Variants in KIF16B observed in about 807,000 individuals in gnomAD.
The protein encoded by KIF16B is kinesin-like protein KIF16B.
Under a neutral mutation model 156.3 loss-of-function variants are expected in KIF16B, and 98 were observed. That is an observed-to-expected ratio of 0.63 (90% CI 0.53 to 0.74). The LOEUF is 0.74. Ranked by LOEUF, KIF16B falls within the 30% of genes least tolerant of loss-of-function variation. The pLI, the probability that KIF16B is intolerant of heterozygous loss-of-function variation, is 0.00. For synonymous variants in KIF16B, 564 were observed against 583.7 expected (o/e 0.97, Z 0.49); for missense variants, 1,421 against 1,606.5 (o/e 0.88, Z 1.97).
chr20:16,461,057 C>T (rs890622583), intron 12 of KIF16B, among the ~76,000 whole-genome samples: 1 of 151,510 alleles, frequency 6.6e-6, no homozygotes, highest in African/African-American at 2.4e-5. Context: ...TATAAAAAGC[C>T]TAAAATAAAC....
intron 1 of KIF16B, among the ~76,000 whole-genome samples, chr20:16,558,897 C>CAAAAAAAAAAA (rs11478258): frequency 3.2e-5 from 2 of 62,062 alleles, no homozygotes; most frequent in African/African-American, 6.2e-5. Flanking sequence ...GAGCAAGACT[C>CAAAAAAAAAAA]AAAAAAAAAA....
At position 16,366,710 on chromosome 20, in the gene KIF16B, A is replaced by T. The variant is rs185127885; in HGVS notation, c.3498+3876T>A. 24 of 374,496 alleles carry T rather than the reference A, an allele frequency of 6.4e-5. No homozygotes were observed. The East Asian group carries it at 3.8e-3, about 60-fold the overall frequency. 23.2% of individuals were successfully genotyped at this position (374,496 alleles called of 1,614,324 possible). ...TCTGCTACATAATTATCCTAATCAC[A>T]GCTGAAACCAAGGATGTCAATGAAG... On this transcript the variant is annotated intron_variant, in intron 22 of 25. Transcript: ENST00000354981.
chr20:16,468,008 A>T (rs1343263782), intron 12 of KIF16B, among the ~76,000 whole-genome samples: 1 of 152,204 alleles, frequency 6.6e-6, no homozygotes, highest in Non-Finnish European at 1.5e-5. Flanking sequence ...AAATACGATA[A>T]ATATTAATCC....
intron 1 of KIF16B, among the ~76,000 whole-genome samples, chr20:16,567,900 C>T (rs997949509): frequency 6.6e-6 from 1 of 152,152 alleles, no homozygotes; most frequent in African/African-American, 2.4e-5. Flanking sequence ...TGCAGTGAAC[C>T]GAGATCGCGC....
At chr20:16,287,500 C>T (rs1322125878) in intron 25 of KIF16B, among the ~76,000 whole-genome samples, 1 of 152,186 alleles carries the variant, frequency 6.6e-6, no homozygotes, top group Non-Finnish European at 1.5e-5. Context: ...AGAGAATCTT[C>T]TTTATGAGTT....
intron 17 of KIF16B, among the ~76,000 whole-genome samples, chr20:16,395,776 T>C (rs2065485578): frequency 6.6e-6 from 1 of 152,096 alleles, no homozygotes; most frequent in Non-Finnish European, 1.5e-5. Context: ...GAATACAGCC[T>C]AGAACTGTGT....
intron 12 of KIF16B, among the ~76,000 whole-genome samples, chr20:16,492,717 G>A (rs991734690): frequency 1.3e-5 from 2 of 152,196 alleles, no homozygotes; most frequent in East Asian, 3.8e-4. Flanking sequence ...CGCAGCAGCA[G>A]AAGAGACGGA....
intron 25 of KIF16B, among the ~76,000 whole-genome samples, chr20:16,279,021 G>A (rs1039391460): frequency 1.3e-5 from 2 of 152,176 alleles, no homozygotes; most frequent in Non-Finnish European, 2.9e-5. Context: ...CAAGGCTCAC[G>A]CTCTTCTACA....
At chr20:16,502,113 CTTT>C (rs1289981115) in intron 10 of KIF16B, among the ~76,000 whole-genome samples, 1 of 151,944 alleles carries the variant, frequency 6.6e-6, no homozygotes, top group Non-Finnish European at 1.5e-5. Flanking sequence ...TAAAAAGGTG[CTTT>C]AAAAACTCTG....
At chr20:16,344,624 G>A (rs4814475) in intron 23 of KIF16B, among the ~76,000 whole-genome samples, 31,511 of 152,108 alleles carry the variant, frequency 0.21, 3,821 homozygotes, top group East Asian at 0.58. Context: ...GAGTGCCTAT[G>A]GTGTCAGCCT....
intron 1 of KIF16B, among the ~76,000 whole-genome samples, chr20:16,571,633 T>C (rs2071456407): frequency 7.1e-6 from 1 of 140,616 alleles, no homozygotes; most frequent in Non-Finnish European, 1.5e-5. Flanking sequence ...AACAAATACT[T>C]TTTTTTTTTT....
At chr20:16,539,538 A>T (rs140010679) in intron 1 of KIF16B, among the ~76,000 whole-genome samples, 86 of 152,220 alleles carry the variant, frequency 5.6e-4, no homozygotes, top group African/African-American at 2.0e-3. Flanking sequence ...GGCTGTTCAA[A>T]AGTGTATGAC....
chr20:16,541,690 G>A (rs2070205636), intron 1 of KIF16B, among the ~76,000 whole-genome samples: 1 of 152,212 alleles, frequency 6.6e-6, no homozygotes, highest in Non-Finnish European at 1.5e-5. Flanking sequence ...ATAGCAAGCA[G>A]GGTGTTCATT....
chr20:16,567,808 C>A (rs982388138), intron 1 of KIF16B, among the ~76,000 whole-genome samples: 1 of 152,062 alleles, frequency 6.6e-6, no homozygotes, highest in Admixed American at 6.5e-5. Context: ...CAAAATTAGC[C>A]GGGCGTGGTG....
chr20:16,284,446 A>G (rs1320431814), intron 25 of KIF16B, among the ~76,000 whole-genome samples: 2 of 152,158 alleles, frequency 1.3e-5, no homozygotes, highest in Non-Finnish European at 2.9e-5. Flanking sequence ...GTCTGCATGT[A>G]TGTCCCGGAT....
chr20:16,298,023 G>C (rs6080213), intron 25 of KIF16B, among the ~76,000 whole-genome samples: 23,609 of 152,116 alleles, frequency 0.16, 1,965 homozygotes, highest in Non-Finnish European at 0.17. Flanking sequence ...TGGTCCTCTG[G>C]ATCAGGTCCA....
intron 1 of KIF16B, among the ~76,000 whole-genome samples, chr20:16,549,750 G>A (rs1342615891): frequency 7.2e-6 from 1 of 138,016 alleles, no homozygotes. Flanking sequence ...ATGGGGAAAG[G>A]ATTCCCTATT....
intron 6 of KIF16B, among the ~76,000 whole-genome samples, chr20:16,509,877 T>C (rs964451627): frequency 1.3e-5 from 2 of 152,240 alleles, no homozygotes; most frequent in African/African-American, 4.8e-5. Flanking sequence ...TTCTGAGTTT[T>C]AAGTCAGGTT....
intron 12 of KIF16B, among the ~76,000 whole-genome samples, chr20:16,454,091 T>C (rs768484109): frequency 7.9e-5 from 12 of 152,124 alleles, no homozygotes; most frequent in Admixed American, 1.3e-4. Flanking sequence ...TACATAATAA[T>C]GTACCGTGCA....
Sources: allele counts gnomAD v4.1 joint callset (sites outside exome capture counted in the v4.1 genomes callset), GRCh38; gene constraint gnomAD v4.1.1; transcripts MANE v1.5; gene names NCBI Gene and HGNC (gene_info 2026-07-23, HGNC 2026-07-21).